Variants in ZNF813 observed in about 807,000 individuals in gnomAD.
ZNF813 encodes zinc finger protein 813.
A neutral mutation model predicts 7.2 loss-of-function variants in ZNF813; 3 were observed. The observed-to-expected ratio is 0.42, with a 90% confidence interval of 0.19 to 1.08. The LOEUF (loss-of-function observed/expected upper bound fraction) is 1.08, where lower values mean the gene tolerates loss of function less well. ZNF813 is among the 50% of genes least tolerant of loss of function. The pLI is 0.30. For missense variants in ZNF813, 714 were observed against 753.3 expected (o/e 0.95, Z 0.61); for synonymous variants, 227 against 256.3 (o/e 0.89, Z 1.09).
chr19:53,492,205 G>C lies in ZNF813; in HGVS notation c.*119G>C. On this transcript the variant is annotated 3_prime_UTR_variant, in exon 4 of 4. Transcript: ENST00000396403. Reference sequence around the variant, plus strand: ...AATTCATAAGAATTCATACTGGAGAGAAACAAGTGTAATGAACGTTGCAAA... The same window carrying C: ...AATTCATAAGAATTCATACTGGAGACAAACAAGTGTAATGAACGTTGCAAA... 2 of 1,462,698 alleles carry C rather than the reference G, an allele frequency of 1.4e-6. No individual in the cohort carries two copies. Among genetic ancestry groups the C allele is most frequent in the Non-Finnish European group, 1.8e-6 (2 of 1,083,552 alleles). 90.6% of individuals were successfully genotyped at this position (1,462,698 alleles called of 1,614,324 possible). A position where few individuals can be genotyped will look rare whatever the true frequency, so the allele number is the denominator to read the frequency against.
intron 1 of ZNF813, among the ~76,000 whole-genome samples, chr19:53,477,163 A>G (rs2086385848): frequency 6.6e-6 from 1 of 152,182 alleles, no homozygotes; most frequent in Non-Finnish European, 1.5e-5. Context: ...CTGGATGGAT[A>G]GTTACCGTGG....
At chr19:53,474,571 A>C (rs970613266) in intron 1 of ZNF813, among the ~76,000 whole-genome samples, 8 of 152,038 alleles carry the variant, frequency 5.3e-5, no homozygotes, top group South Asian at 2.1e-4. Context: ...TGCCTGTAAT[A>C]CCAGCTACTG....
rs1352049892 is a variant in ZNF813 at position 53,491,693 on chromosome 19, A to T, written c.1461A>T (p.Ala487=). Residue 487 remains alanine, a synonymous_variant, in exon 4 of 4, where the codon GCA becomes GCT. Transcript: ENST00000396403. ...TTTCAGCCCTCGTAATTCATACGGC[A>T]ATTCATACTGGAGAGAAACCTTACA... ...SRISALVIHT[A]IHTGEKPYKC... 6.2e-7 allele frequency: 1 copy of T among 1,613,928 alleles called. No homozygotes were observed. The highest frequency in any genetic ancestry group is 1.1e-5 in the South Asian group (1 of 91,052).
In ZNF813 at chr19:53,490,463, T is replaced by C. The variant is rs924447311; in HGVS notation, c.231T>C (p.His77=). ...TCCACACAGGGACATTGCAAAGACA[T>C]GAAAGTCATCACACTGGAGACTTTC... ...EVIHTGTLQR[H]ESHHTGDFRF... Residue 77 remains histidine, a synonymous_variant, in exon 4 of 4, where the codon CAT becomes CAC. Transcript: ENST00000396403. The C allele has an allele frequency of 1.2e-6, 2 of 1,614,188 alleles. No individual in the cohort carries two copies. Among genetic ancestry groups the C allele is most frequent in the East Asian group, 2.2e-5 (1 of 44,884 alleles).
chr19:53,474,508 G>T (rs760691134), intron 1 of ZNF813, among the ~76,000 whole-genome samples: 1 of 152,136 alleles, frequency 6.6e-6, no homozygotes, highest in Non-Finnish European at 1.5e-5. Context: ...GCAACATGGT[G>T]ACGTCCAGTC....
intron 2 of ZNF813, among the ~76,000 whole-genome samples, chr19:53,484,581 A>C (rs1011443267): frequency 4.6e-5 from 7 of 152,136 alleles, no homozygotes; most frequent in African/African-American, 1.7e-4. Context: ...TTGTATTTTA[A>C]ATATATGAAG....
intron 2 of ZNF813, 127 bp downstream of exon 2, chr19:53,483,964 TTC>T (rs2086421259): frequency 6.4e-7 from 1 of 1,569,604 alleles, no homozygotes; most frequent in African/African-American, 1.3e-5. Context: ...CACCCATGCC[TTC>T]CCTCAGTCCC....
chr19:53,490,662 T>G lies in ZNF813; in HGVS notation c.430T>G (p.Phe144Val). The change falls in exon 4 of 4, where the codon TTT becomes GTT. Residue 144 changes from phenylalanine to valine, a missense_variant. This residue lies in a region of ZNF813 where 563 missense variants were observed against 554.2 expected (regional missense o/e 1.02). Transcript: ENST00000396403. ...TATTAAAGATCAGCTTGGATCAAGC[T>G]TTCATTCGCATCTGCCTGAACTCCA... ...KPIKDQLGSSFHSHLPELHMF... is the reference protein window; with the variant it reads ...KPIKDQLGSSVHSHLPELHMF... The G allele has an allele frequency of 6.2e-7, 1 of 1,614,176 alleles. No individual in the cohort carries two copies. Among genetic ancestry groups the G allele is most frequent in the Non-Finnish European group, 8.5e-7 (1 of 1,180,038 alleles).
At chr19:53,471,318 T>C (rs2617701) in intron 1 of ZNF813, among the ~76,000 whole-genome samples, 10,814 of 151,898 alleles carry the variant, frequency 0.071, 468 homozygotes, top group Non-Finnish European at 0.1. Flanking sequence ...GCTGATACTA[T>C]GTGTGGTTTA....
At position 53,479,470 on chromosome 19, in the gene ZNF813, C is replaced by T. The variant is rs571966155; in HGVS notation, c.-73-4280C>T. On this transcript the variant is annotated intron_variant, in intron 1 of 3. Coordinates refer to ENST00000396403, the MANE Select transcript of ZNF813 (RefSeq NM_001004301.4). Reference sequence around the variant, plus strand: ...AGAAGCTGAGAGAGAAAGGTGGGCCCGGGAACAGGCTGAGGCTGAAGTGGC... The same window carrying T: ...AGAAGCTGAGAGAGAAAGGTGGGCCTGGGAACAGGCTGAGGCTGAAGTGGC... 1,870 of 1,406,280 alleles carry T rather than the reference C, an allele frequency of 1.3e-3. 21 individuals carry two copies. Among genetic ancestry groups the T allele is most frequent in the Admixed American group, 9.4e-4 (54 of 57,256 alleles). The allele number at this position is 1,406,280 out of a possible 1,614,324, so 87.1% of individuals were successfully genotyped here.
At position 53,494,767 on chromosome 19, in the gene ZNF813, A is replaced by G. The variant is rs1387896340; in HGVS notation, c.*2681A>G. ...ACCAGATGCAGTGGCTCAGGCCTGT[A>G]ATCCCAGCACTTTCAGAGGCCAAGA... On this transcript the variant is annotated 3_prime_UTR_variant, in exon 4 of 4. Coordinates refer to ENST00000396403, the MANE Select transcript of ZNF813 (RefSeq NM_001004301.4). 6.6e-6 allele frequency: 1 copy of G among 152,286 alleles called. No homozygotes were observed. Among genetic ancestry groups the G allele is most frequent in the Non-Finnish European group, 1.5e-5 (1 of 68,080 alleles). 9.4% of individuals were successfully genotyped at this position (152,286 alleles called of 1,614,324 possible).
At position 53,492,909 on chromosome 19, in the gene ZNF813, G is replaced by A. The variant is rs953089775; in HGVS notation, c.*823G>A. On this transcript the variant is annotated 3_prime_UTR_variant, in exon 4 of 4. Coordinates refer to ENST00000396403, the MANE Select transcript of ZNF813 (RefSeq NM_001004301.4). The stretch of plus-strand genomic sequence containing the variant: ...GATTGTGGCAAAGCCTTTACTTCAC[G>A]TTCACACCTCCTTAGACATCAGAGA... 15 of 484,204 alleles carry A rather than the reference G, an allele frequency of 3.1e-5. No individual in the cohort carries two copies. The highest frequency in any genetic ancestry group is 1.9e-4 in the East Asian group (3 of 16,102). 30.0% of individuals were successfully genotyped at this position (484,204 alleles called of 1,614,324 possible).
intron 1 of ZNF813, among the ~76,000 whole-genome samples, chr19:53,478,637 G>A (rs2086392673): frequency 6.6e-6 from 1 of 152,066 alleles, no homozygotes; most frequent in South Asian, 2.1e-4. Context: ...AGTTAGGCAG[G>A]CGTGGTGGTG....
At chr19:53,479,536 G>A in intron 1 of ZNF813, 5 of 1,266,930 alleles carry the variant, frequency 3.9e-6, no homozygotes, top group South Asian at 2.4e-5. Flanking sequence ...AGAGGAGCTG[G>A]ACTGTGCTCA....
Position 53,491,723 on chromosome 19 carries a change from T to C in ZNF813, c.1491T>C (p.Cys497=). 6.4e-7 allele frequency: 1 copy of C among 1,573,722 alleles called. No homozygotes were observed. The highest frequency in any genetic ancestry group is 8.7e-7 in the Non-Finnish European group (1 of 1,149,948). Reference sequence around the variant, plus strand: ...ATACTGGAGAGAAACCTTACAAGTGTAATGAATGTGGCAAGGGTTTTAATC... The same window carrying C: ...ATACTGGAGAGAAACCTTACAAGTGCAATGAATGTGGCAAGGGTTTTAATC... ...AIHTGEKPYK[C]NECGKGFNRK... Residue 497 remains cysteine, a synonymous_variant, in exon 4 of 4, where the codon TGT becomes TGC. Coordinates refer to ENST00000396403, the MANE Select transcript of ZNF813 (RefSeq NM_001004301.4).
rs1190711516 is a variant in ZNF813, at chr19:53,492,935, A to G, written c.*849A>G. On this transcript the variant is annotated 3_prime_UTR_variant, in exon 4 of 4. Transcript: ENST00000396403. Reference sequence around the variant, plus strand: ...TTCACACCTCCTTAGACATCAGAGAATGCACACTGGACGGAAATCTTACAA... The same window carrying G: ...TTCACACCTCCTTAGACATCAGAGAGTGCACACTGGACGGAAATCTTACAA... 3 of 480,760 alleles carry G rather than the reference A, an allele frequency of 6.2e-6. No individual in the cohort carries two copies. Among genetic ancestry groups the G allele is most frequent in the Non-Finnish European group, 1.3e-5 (3 of 234,286 alleles). 29.8% of individuals were successfully genotyped at this position (480,760 alleles called of 1,614,324 possible). A position where few individuals can be genotyped will look rare whatever the true frequency, so the allele number is the denominator to read the frequency against.
intron 3 of ZNF813, among the ~76,000 whole-genome samples, chr19:53,489,712 A>T (rs1030396300): frequency 6.6e-6 from 1 of 152,084 alleles, no homozygotes; most frequent in African/African-American, 2.4e-5. Flanking sequence ...ATTAACTTTT[A>T]TTTTGAGATT....
intron 1 of ZNF813, among the ~76,000 whole-genome samples, chr19:53,478,558 A>C (rs2086392468): frequency 6.6e-6 from 1 of 152,132 alleles, no homozygotes; most frequent in African/African-American, 2.4e-5. Flanking sequence ...TGAGTGGGTC[A>C]CCTAAGGTGA....
In ZNF813 at chr19:53,482,712, G is replaced by GTTTTTTTT. The variant is rs869250512; in HGVS notation, c.-73-1018_-73-1011dup. Among the ~76,000 whole-genome samples, 24 of 89,088 alleles carry GTTTTTTTT rather than the reference G, an allele frequency of 2.7e-4. 2 individuals are homozygous for GTTTTTTTT. Among genetic ancestry groups the GTTTTTTTT allele is most frequent in the African/African-American group, 3.3e-4 (7 of 21,448 alleles). The allele number at this position is 89,088 out of a possible 152,430, so 58.4% of individuals were successfully genotyped here. ...ATCAATCACATCAGGAATGCTTTTT[G>GTTTTTTTT]TTTTTTTTTTTTTTTTTTTTTTTTT... On this transcript the variant is annotated intron_variant, in intron 1 of 3. Coordinates refer to ENST00000396403, the MANE Select transcript of ZNF813 (RefSeq NM_001004301.4).
Sources: allele counts gnomAD v4.1 joint callset (sites outside exome capture counted in the v4.1 genomes callset), GRCh38; gene constraint gnomAD v4.1.1; regional missense constraint gnomAD v4.1.1; transcripts MANE v1.5; gene names NCBI Gene and HGNC (gene_info 2026-07-23, HGNC 2026-07-21).